The following BMX variants were observed in gnomAD, a reference collection of about 807,000 sequenced individuals.
The protein encoded by BMX is cytoplasmic tyrosine-protein kinase BMX.
A neutral mutation model predicts 59.2 loss-of-function variants in BMX; 31 were observed. The observed-to-expected ratio is 0.52, with a 90% CI of 0.39 to 0.71. The LOEUF is 0.71. Ranked by LOEUF, BMX falls within the 30% of genes least tolerant of loss-of-function variation. BMX has a pLI of 0.00. For synonymous variants in BMX, 185 were observed against 181.0 expected (o/e 1.02, Z -0.18); for missense variants, 474 against 491.7 (o/e 0.96, Z 0.34).
At chrX:15,511,759 G>C in intron 4 of BMX, among the ~76,000 whole-genome samples, 1 of 111,475 alleles carries the variant, frequency 9.0e-6, no homozygotes, top group South Asian at 3.7e-4. Context: ...AGCCAGTATT[G>C]TGCCTTCCCA....
chrX:15,526,097 T>A lies in BMX; in HGVS notation c.884+2T>A. On this transcript the variant is annotated splice_donor_variant, in intron 9 of 18. Coordinates refer to ENST00000348343, the MANE Select transcript of BMX (RefSeq NM_203281.3). LOFTEE classifies it high-confidence loss of function. The stretch of plus-strand genomic sequence containing the variant: ...AGAGGAAAACCTGGATGATTATGAG[T>A]GAGTATTGAAAGTCTTCTGGGTTCT... 8.3e-7 allele frequency: 1 copy of A among 1,202,147 alleles called. No homozygotes were observed. Among genetic ancestry groups the A allele is most frequent in the Non-Finnish European group, 1.1e-6 (1 of 888,185 alleles).
In BMX at chrX:15,537,314, T is replaced by C; in HGVS notation, c.1394+9T>C. 5.8e-6 allele frequency: 7 copies of C among 1,210,128 alleles called. No homozygotes were observed. The highest frequency in any genetic ancestry group is 7.8e-6 in the Non-Finnish European group (7 of 894,730). On this transcript the variant is annotated intron_variant, in intron 14 of 18. Coordinates refer to ENST00000348343, the MANE Select transcript of BMX (RefSeq NM_203281.3). ...GAGGCCCAGACTATGATGTAAGTTTTTCCCAAGGAATGGCTGTTTAGCCCT... is the reference window on the plus strand; with the variant it reads ...GAGGCCCAGACTATGATGTAAGTTTCTCCCAAGGAATGGCTGTTTAGCCCT...
rs1377773509 is a variant in BMX, at chrX:15,517,700, C to A, written c.446-229C>A. 2.7e-5 allele frequency among the ~76,000 whole-genome samples: 3 copies of A among 112,426 alleles called. No homozygotes were observed. The East Asian group carries it at 8.3e-4, about 31-fold the overall frequency. ...GAGAAAAAGTTAGGTGTCTTTATTT[C>A]TTTTTGTCCAAGATGCCTTGATCCA... On this transcript the variant is annotated intron_variant, in intron 5 of 18. Transcript: ENST00000348343.
At chrX:15,504,545 A>G (rs758953425) in intron 1 of BMX, among the ~76,000 whole-genome samples, 2 of 111,990 alleles carry the variant, frequency 1.8e-5, no homozygotes, top group Admixed American at 1.9e-4. Flanking sequence ...CAGTCACTCA[A>G]TGTTGGACAC....
intron 4 of BMX, among the ~76,000 whole-genome samples, chrX:15,514,709 C>T (rs765679574): frequency 1.8e-5 from 2 of 111,822 alleles, no homozygotes; most frequent in African/African-American, 3.3e-5. Flanking sequence ...ATACATTGCC[C>T]TATTCCCGTG....
At chrX:15,553,351 G>A (rs1465358453) in intron 18 of BMX, among the ~76,000 whole-genome samples, 1 of 111,488 alleles carries the variant, frequency 9.0e-6, no homozygotes, top group Non-Finnish European at 1.9e-5. Context: ...TGTACTTGCT[G>A]GGCTATCAAG....
chrX:15,520,031 C>T (rs182894394), intron 6 of BMX, among the ~76,000 whole-genome samples: 3 of 111,822 alleles, frequency 2.7e-5, no homozygotes, highest in Non-Finnish European at 5.7e-5. Context: ...CAACTTGGAA[C>T]CACCAGAAGC....
In BMX at chrX:15,507,327, C is replaced by A. The variant is rs762107469; in HGVS notation, c.-9-1018C>A. 5.3e-6 allele frequency: 4 copies of A among 753,163 alleles called. No individual in the cohort carries two copies. The South Asian group carries it at 2.7e-4, about 51-fold the overall frequency. The allele number at this position is 753,163 out of a possible 1,213,427, so 62.1% of individuals were successfully genotyped here. A position where few individuals can be genotyped will look rare whatever the true frequency, so the allele number is the denominator to read the frequency against. Reference sequence around the variant, plus strand: ...GCCAGAGGGAATATGAGTGATGGTGCCTCAAAGCAGTAACTTTTTGCTTAG... The same window carrying A: ...GCCAGAGGGAATATGAGTGATGGTGACTCAAAGCAGTAACTTTTTGCTTAG... On this transcript the variant is annotated intron_variant, in intron 1 of 18. Coordinates refer to ENST00000348343, the MANE Select transcript of BMX (RefSeq NM_203281.3).
At chrX:15,531,616 TTC>T (rs1925077217) in intron 11 of BMX, among the ~76,000 whole-genome samples, 1 of 111,588 alleles carries the variant, frequency 9.0e-6, no homozygotes, top group Non-Finnish European at 1.9e-5. Context: ...CAAGAGGCCA[TTC>T]TCTGGCTAAT....
rs755415647 is a variant in BMX at position 15,508,500 on chromosome X, T to C, written c.138+9T>C. 1 of 1,149,919 alleles carries C rather than the reference T, an allele frequency of 8.7e-7. No individual in the cohort carries two copies. Among genetic ancestry groups the C allele is most frequent in the South Asian group, 2.1e-5 (1 of 47,633 alleles). 94.8% of individuals were successfully genotyped at this position (1,149,919 alleles called of 1,213,427 possible). ...ATGAATATGACAAAATGGTGAGACA[T>C]CATGTGTTCCATTATTTTTATACTA... On this transcript the variant is annotated intron_variant, in intron 2 of 18. Coordinates refer to ENST00000348343, the MANE Select transcript of BMX (RefSeq NM_203281.3).
At chrX:15,514,788 T>G (rs925673298) in intron 4 of BMX, among the ~76,000 whole-genome samples, 10 of 111,287 alleles carry the variant, frequency 9.0e-5, no homozygotes, top group South Asian at 3.8e-4. Context: ...AGTATAAACA[T>G]GTCAAAGTCA....
chrX:15,511,354 T>C, intron 3 of BMX, 83 bp from the exon 4 acceptor site: 1 of 803,127 alleles, frequency 1.2e-6, no homozygotes, highest in Non-Finnish European at 1.8e-6. Flanking sequence ...AAGGTTTCTT[T>C]TGGATGACAA....
chrX:15,552,289 T>A (rs906379899), intron 18 of BMX, among the ~76,000 whole-genome samples: 1 of 112,105 alleles, frequency 8.9e-6, no homozygotes, highest in Non-Finnish European at 1.9e-5. Context: ...AGAGTATTGG[T>A]CCATAGGGAG....
intron 1 of BMX, among the ~76,000 whole-genome samples, chrX:15,501,456 TAGAC>T (rs1468692775): frequency 8.9e-6 from 1 of 112,485 alleles, no homozygotes; most frequent in Non-Finnish European, 1.9e-5. Context: ...TAGATGGAGA[TAGAC>T]AGGTGGGAGG....
intron 6 of BMX, among the ~76,000 whole-genome samples, chrX:15,520,803 G>A (rs1312000273): frequency 1.8e-5 from 2 of 110,904 alleles, no homozygotes; most frequent in African/African-American, 6.6e-5. Flanking sequence ...CTCTCTAGTT[G>A]TTCTGTTCAA....
intron 4 of BMX, among the ~76,000 whole-genome samples, chrX:15,515,594 T>C (rs2147108333): frequency 8.9e-6 from 1 of 112,119 alleles, no homozygotes. Flanking sequence ...CAGTTAATAA[T>C]TGGTGAATCT....
intron 1 of BMX, 41 bp downstream of exon 1, chrX:15,500,981 A>G: frequency 1.3e-6 from 1 of 752,935 alleles, no homozygotes; most frequent in South Asian, 6.8e-5. Flanking sequence ...GTCGCATACT[A>G]TGCGGAAAAT....
chrX:15,526,616 G>C (rs760963666), intron 9 of BMX, among the ~76,000 whole-genome samples: 10 of 83,889 alleles, frequency 1.2e-4, no homozygotes, highest in African/African-American at 4.9e-4. Flanking sequence ...ACAGAGTTTT[G>C]CTCTTGTTGC....
At chrX:15,506,163 T>C (rs1472865944) in intron 1 of BMX, among the ~76,000 whole-genome samples, 1 of 111,230 alleles carries the variant, frequency 9.0e-6, no homozygotes, top group Non-Finnish European at 1.9e-5. Context: ...ATGTGCAATA[T>C]GCTGGGGTTA....
Sources: gnomAD v4.1 joint callset for allele counts (sites outside exome capture counted in the v4.1 genomes callset) on GRCh38, gnomAD v4.1.1 for gene constraint, MANE v1.5 for transcripts, NCBI Gene and HGNC (gene_info 2026-07-23, HGNC 2026-07-21) for gene names.